Variants in WWOX observed in about 807,000 individuals in gnomAD.
WWOX encodes the protein WW domain-containing oxidoreductase.
A neutral mutation model predicts 46.2 loss-of-function variants in WWOX; 69 were observed. The ratio of observed to expected loss-of-function variants is 1.49; its 90% confidence interval spans 1.23 to 1.82. The LOEUF is 1.82. WWOX is among the 40% of genes most tolerant of loss of function. The pLI is 0.00. For synonymous variants in WWOX, 359 were observed against 202.6 expected, an observed-to-expected ratio of 1.77 and a Z score of -6.56; for missense variants, 919 against 542.6, an observed-to-expected ratio of 1.69 and a Z score of -6.89.
At chr16:78,286,650 T>A (rs2079771753) in intron 5 of WWOX, among the ~76,000 whole-genome samples, 1 of 152,084 alleles carries the variant, frequency 6.6e-6, no homozygotes, top group Non-Finnish European at 1.5e-5. Context: ...TTGGTATGAT[T>A]TATAAGTAGT....
At chr16:78,292,391 A>T (rs1028420917) in intron 5 of WWOX, among the ~76,000 whole-genome samples, 1 of 152,160 alleles carries the variant, frequency 6.6e-6, no homozygotes, top group Non-Finnish European at 1.5e-5. Flanking sequence ...GAAATTTGCA[A>T]ATCTGTTTCC....
intron 8 of WWOX, among the ~76,000 whole-genome samples, chr16:78,872,399 A>C (rs2044147341): frequency 6.6e-6 from 1 of 152,228 alleles, no homozygotes; most frequent in East Asian, 1.9e-4. Flanking sequence ...TTATGAAAAT[A>C]GCCATCTTTT....
intron 8 of WWOX, among the ~76,000 whole-genome samples, chr16:79,018,902 A>G (rs2047471500): frequency 6.6e-6 from 1 of 151,980 alleles, no homozygotes; most frequent in Non-Finnish European, 1.5e-5. Flanking sequence ...TGTAATCCCA[A>G]CACTTTGGGA....
intron 5 of WWOX, among the ~76,000 whole-genome samples, chr16:78,181,415 G>A (rs1013473146): frequency 2.6e-5 from 4 of 152,078 alleles, no homozygotes; most frequent in South Asian, 2.1e-4. Context: ...AAATCTCTTC[G>A]TGAGCTCTGG....
intron 8 of WWOX, among the ~76,000 whole-genome samples, chr16:78,693,295 C>T (rs2048030512): frequency 6.6e-6 from 1 of 152,142 alleles, no homozygotes; most frequent in African/African-American, 2.4e-5. Flanking sequence ...TGCTTCCCGT[C>T]CCCACCACTA....
intron 8 of WWOX, among the ~76,000 whole-genome samples, chr16:78,815,040 C>A (rs1276540014): frequency 2.6e-5 from 4 of 152,180 alleles, no homozygotes; most frequent in Admixed American, 2.0e-4. Context: ...AAGGTTTCGT[C>A]CAGGCCGGGC....
chr16:78,726,872 G>A (rs181748258), intron 8 of WWOX, among the ~76,000 whole-genome samples: 1 of 152,168 alleles, frequency 6.6e-6, no homozygotes, highest in Non-Finnish European at 1.5e-5. Flanking sequence ...GAGGGGAGCT[G>A]AGTCGGGAGT....
chr16:78,119,318 C>T (rs1376695603), intron 4 of WWOX, among the ~76,000 whole-genome samples: 5 of 152,168 alleles, frequency 3.3e-5, no homozygotes, highest in South Asian at 2.1e-4. Flanking sequence ...GAGGGAATTT[C>T]GCATTGAGGA....
At chr16:78,384,165 A>C (rs1245739670) in intron 5 of WWOX, among the ~76,000 whole-genome samples, 1 of 152,106 alleles carries the variant, frequency 6.6e-6, no homozygotes, top group African/African-American at 2.4e-5. Flanking sequence ...TGGGGTTTCC[A>C]CTGGGGGCTT....
At position 78,807,445 on chromosome 16, in the gene WWOX, C is replaced by G. The variant is rs184605069; in HGVS notation, c.1056+374693C>G. Among the ~76,000 whole-genome samples, 1,020 of 152,336 alleles carry G rather than the reference C, an allele frequency of 6.7e-3. 10 individuals carry two copies. Among genetic ancestry groups the G allele is most frequent in the Non-Finnish European group, 0.012 (804 of 68,018 alleles). On this transcript the variant is annotated intron_variant, in intron 8 of 8. Transcript: ENST00000566780. The stretch of plus-strand genomic sequence containing the variant: ...TGATTGTTTTAAGGTCCATTAATCG[C>G]TGAATCATGAGGCCATGTAAAAAAA...
intron 8 of WWOX, among the ~76,000 whole-genome samples, chr16:78,616,724 C>T (rs1249710053): frequency 2.6e-5 from 4 of 151,856 alleles, no homozygotes; most frequent in Admixed American, 1.3e-4. Context: ...TGAGATGGTG[C>T]CACTGCACTC....
At position 78,499,537 on chromosome 16, in the gene WWOX, T is replaced by C. The variant is rs191660337; in HGVS notation, c.1056+66785T>C. Among the ~76,000 whole-genome samples the C allele has an allele frequency of 6.7e-3, 1,019 of 152,358 alleles. 4 individuals carry two copies. The highest frequency in any genetic ancestry group is 0.016 in the African/African-American group (660 of 41,592). On this transcript the variant is annotated intron_variant, in intron 8 of 8. Transcript: ENST00000566780. ...GACTGCAGATTACTCATCAGCTGTC[T>C]CCTTGAGTCCACAATGCCGGGCGGT...
chr16:78,668,468 A>G (rs1343370498), intron 8 of WWOX, among the ~76,000 whole-genome samples: 1 of 152,146 alleles, frequency 6.6e-6, no homozygotes, highest in Non-Finnish European at 1.5e-5. Flanking sequence ...TCCACTCATC[A>G]TTCATTATAT....
intron 6 of WWOX, among the ~76,000 whole-genome samples, chr16:78,392,733 G>A (rs532569079): frequency 4.6e-5 from 7 of 152,100 alleles, no homozygotes; most frequent in African/African-American, 1.2e-4. Context: ...TAATGTTTTC[G>A]TAAGAATACT....
At chr16:78,371,385 C>A (rs1161334131) in intron 5 of WWOX, among the ~76,000 whole-genome samples, 1 of 152,138 alleles carries the variant, frequency 6.6e-6, no homozygotes, top group African/African-American at 2.4e-5. Context: ...GTTGAAACTG[C>A]CTTTGTGATC....
chr16:78,198,495 A>T (rs2036127914), intron 5 of WWOX, among the ~76,000 whole-genome samples: 1 of 152,162 alleles, frequency 6.6e-6, no homozygotes, highest in Non-Finnish European at 1.5e-5. Flanking sequence ...ACTGATGGAG[A>T]ATGGGCTCTA....
At chr16:78,760,984 T>C (rs1162430993) in intron 8 of WWOX, among the ~76,000 whole-genome samples, 6 of 152,098 alleles carry the variant, frequency 3.9e-5, no homozygotes, top group African/African-American at 7.2e-5. Flanking sequence ...ATGAGACTTA[T>C]TCACTATCAT....
At chr16:78,322,403 A>C (rs1302162730) in intron 5 of WWOX, among the ~76,000 whole-genome samples, 1 of 152,148 alleles carries the variant, frequency 6.6e-6, no homozygotes, top group Admixed American at 6.6e-5. Flanking sequence ...AATGACTAGC[A>C]CTCACTGAGT....
chr16:78,871,529 G>T (rs2044128494), intron 8 of WWOX, among the ~76,000 whole-genome samples: 1 of 152,214 alleles, frequency 6.6e-6, no homozygotes, highest in South Asian at 2.1e-4. Flanking sequence ...CAAGGAAGCA[G>T]TTCACGCTTG....
Sources: gnomAD v4.1 joint callset for allele counts (sites outside exome capture counted in the v4.1 genomes callset) on GRCh38, gnomAD v4.1.1 for gene constraint, MANE v1.5 for transcripts, NCBI Gene and HGNC (gene_info 2026-07-23, HGNC 2026-07-21) for gene names.